Variants in COL26A1 observed in about 807,000 individuals in gnomAD.
COL26A1 encodes the protein collagen type XXVI alpha 1 chain.
COL26A1 carries 41 observed loss-of-function variants against 59.3 expected under a neutral mutation model. That is an observed-to-expected ratio of 0.69 (90% CI 0.54 to 0.90). COL26A1 has a LOEUF of 0.90. Among genes scored for constraint, COL26A1 ranks in the 40% least tolerant of loss-of-function variants. COL26A1 has a pLI of 0.00. For synonymous variants in COL26A1, 266 were observed against 256.0 expected (o/e 1.04, Z -0.37); for missense variants, 612 against 602.3 (o/e 1.02, Z -0.17).
chr7:101,509,435 G>A (rs1036379492), intron 3 of COL26A1, among the ~76,000 whole-genome samples: 1 of 152,086 alleles, frequency 6.6e-6, no homozygotes, highest in Non-Finnish European at 1.5e-5. Flanking sequence ...TACAGACTGA[G>A]ACCCTGTCTC....
chr7:101,468,534 C>T (rs1046464393), intron 3 of COL26A1, among the ~76,000 whole-genome samples: 2 of 152,160 alleles, frequency 1.3e-5, no homozygotes, highest in African/African-American at 2.4e-5. Flanking sequence ...GGCTCCGTGC[C>T]GCCAAGCAAG....
chr7:101,442,740 A>G (rs1334195267), intron 2 of COL26A1, among the ~76,000 whole-genome samples: 1 of 152,120 alleles, frequency 6.6e-6, no homozygotes, highest in Non-Finnish European at 1.5e-5. Flanking sequence ...GTGTGTGTTT[A>G]TCCAAGCGTG....
intron 4 of COL26A1, among the ~76,000 whole-genome samples, chr7:101,535,969 G>T (rs1029194400): frequency 1.3e-5 from 2 of 152,104 alleles, no homozygotes; most frequent in African/African-American, 4.8e-5. Flanking sequence ...CTTGTCTGGA[G>T]CACCTTCTGG....
At chr7:101,435,560 C>T (rs1365218291) in intron 2 of COL26A1, among the ~76,000 whole-genome samples, 3 of 152,190 alleles carry the variant, frequency 2.0e-5, no homozygotes, top group African/African-American at 7.2e-5. Flanking sequence ...TGGATCACAG[C>T]CCCGGCTGGG....
rs185213839 is a variant in COL26A1, at chr7:101,506,365, A to C, written c.386-26717A>C. Among the ~76,000 whole-genome samples the C allele has an allele frequency of 4.1e-3, 632 of 152,364 alleles. 4 individuals carry two copies. Among genetic ancestry groups the C allele is most frequent in the Middle Eastern group, 6.8e-3 (2 of 294 alleles). On this transcript the variant is annotated intron_variant, in intron 3 of 12. Transcript: ENST00000313669. ...TCGGAGAAGAGAGAGTCACTTTGTA[A>C]CATGCTTTATTTTATTTTGTTTTTG...
intron 1 of COL26A1, among the ~76,000 whole-genome samples, chr7:101,393,006 GT>G (rs11350670): frequency 0.73 from 93,606 of 129,098 alleles, 33,631 homozygotes; most frequent in South Asian, 0.8. Flanking sequence ...ATGTTTTTTT[GT>G]TTTTTTTTTT....
intron 3 of COL26A1, among the ~76,000 whole-genome samples, chr7:101,492,432 C>T (rs1035849308): frequency 1.3e-5 from 2 of 151,854 alleles, no homozygotes; most frequent in Non-Finnish European, 2.9e-5. Flanking sequence ...CGCGGTGGCT[C>T]ATGCCTGTAA....
intron 1 of COL26A1, among the ~76,000 whole-genome samples, chr7:101,402,366 C>T (rs1792028592): frequency 6.6e-6 from 1 of 152,098 alleles, no homozygotes; most frequent in South Asian, 2.1e-4. Flanking sequence ...AAATTAAAAG[C>T]AGGAATCCTG....
intron 5 of COL26A1, among the ~76,000 whole-genome samples, chr7:101,542,107 C>T (rs937101028): frequency 2.0e-5 from 3 of 152,050 alleles, no homozygotes; most frequent in Admixed American, 2.0e-4. Flanking sequence ...ACTGGGATTA[C>T]AGGCACGCAC....
chr7:101,457,162 G>A (rs1449213901), intron 3 of COL26A1, among the ~76,000 whole-genome samples: 2 of 152,142 alleles, frequency 1.3e-5, no homozygotes, highest in African/African-American at 2.4e-5. Flanking sequence ...CTTGGGCACT[G>A]AGTCCAACAC....
rs1562804720 is a variant in COL26A1 at position 101,555,772 on chromosome 7, T to C, written c.1081-15T>C. The C allele has an allele frequency of 6.2e-7, 1 of 1,600,716 alleles. No individual in the cohort carries two copies. The highest frequency in any genetic ancestry group is 8.5e-7 in the Non-Finnish European group (1 of 1,174,588). On this transcript the variant is annotated splice_polypyrimidine_tract_variant and intron_variant, in intron 11 of 12. Transcript: ENST00000313669. ...TCATGGCCGGCCCTGACCCTGCCTG[T>C]TTCCTCCCCGCCAGGGCGAGGGGGT...
chr7:101,549,191 C>T lies in COL26A1; in HGVS notation c.961C>T (p.Pro321Ser), dbSNP rs1293006613. ...GPPGPPGPRGPPGPPGTPGSQ... is the reference protein window; with the variant it reads ...GPPGPPGPRGSPGPPGTPGSQ... The stretch of plus-strand genomic sequence containing the variant: ...CACAGGTCCCCCTGGGCCTCGAGGT[C>T]CCCCAGGACCCCCAGGAACACCTGG... Residue 321 changes from proline to serine, a missense_variant, in exon 9 of 13, where the codon CCC becomes TCC. Physicochemically the swap from Pro to Ser is moderately conservative, Grantham distance 74. Coordinates refer to ENST00000313669, the MANE Select transcript of COL26A1 (RefSeq NM_001278563.3). 3 of 1,603,220 alleles carry T rather than the reference C, an allele frequency of 1.9e-6. No individual in the cohort carries two copies. The highest frequency in any genetic ancestry group is 2.6e-6 in the Non-Finnish European group (3 of 1,174,684).
chr7:101,497,667 C>T (rs112592361), intron 3 of COL26A1, among the ~76,000 whole-genome samples: 5,761 of 151,960 alleles, frequency 0.038, 176 homozygotes, highest in Non-Finnish European at 0.056. Flanking sequence ...CAGAGCAAGA[C>T]CCTGCCTCAG....
chr7:101,524,949 A>C (rs1795210028), intron 3 of COL26A1, among the ~76,000 whole-genome samples: 1 of 152,188 alleles, frequency 6.6e-6, no homozygotes, highest in African/African-American at 2.4e-5. Context: ...CTGCCAGCCA[A>C]GTCAACAGAA....
chr7:101,400,243 A>C (rs891606523), intron 1 of COL26A1, among the ~76,000 whole-genome samples: 1 of 151,688 alleles, frequency 6.6e-6, no homozygotes, highest in African/African-American at 2.4e-5. Flanking sequence ...CCTAGGGCTC[A>C]GGGGTTCAGG....
At chr7:101,431,843 G>A (rs1431826786) in intron 2 of COL26A1, among the ~76,000 whole-genome samples, 1 of 151,944 alleles carries the variant, frequency 6.6e-6, no homozygotes, top group East Asian at 1.9e-4. Flanking sequence ...CCAGGCTGGG[G>A]TGCAATGGTG....
intron 8 of COL26A1, among the ~76,000 whole-genome samples, chr7:101,548,575 A>G (rs1425204793): frequency 6.9e-6 from 1 of 145,182 alleles, no homozygotes; most frequent in Admixed American, 6.9e-5. Context: ...CCAGTAGGAA[A>G]GGGTTTGCTG....
intron 5 of COL26A1, among the ~76,000 whole-genome samples, chr7:101,541,324 A>G (rs946520247): frequency 6.6e-6 from 1 of 152,130 alleles, no homozygotes; most frequent in Non-Finnish European, 1.5e-5. Context: ...CCTTCCTGCC[A>G]CACTTTTACA....
At chr7:101,434,744 G>T (rs1584404602) in intron 2 of COL26A1, among the ~76,000 whole-genome samples, 4 of 152,284 alleles carry the variant, frequency 2.6e-5, no homozygotes, top group Admixed American at 2.6e-4. Context: ...TGCTCCGGTT[G>T]GGTGTACTGG....
Sources: allele counts gnomAD v4.1 joint callset (sites outside exome capture counted in the v4.1 genomes callset), GRCh38; gene constraint gnomAD v4.1.1; transcripts MANE v1.5; gene names NCBI Gene and HGNC (gene_info 2026-07-23, HGNC 2026-07-21).